Variants in SH3RF2 observed in about 807,000 individuals in gnomAD.
SH3RF2 encodes SH3 domain containing ring finger 2.
SH3RF2 carries 43 observed loss-of-function variants against 59.0 expected under a neutral mutation model. The ratio of observed to expected loss-of-function variants is 0.73; its 90% CI spans 0.57 to 0.94. The LOEUF is 0.94. Among genes scored for constraint, SH3RF2 ranks in the 40% least tolerant of loss-of-function variants. The pLI is 0.00. For synonymous variants in SH3RF2, 391 were observed against 391.5 expected (o/e 1.00, Z 0.01); for missense variants, 930 against 940.1 (o/e 0.99, Z 0.14).
intron 5 of SH3RF2, among the ~76,000 whole-genome samples, chr5:146,016,377 TGG>T (rs1761103730): frequency 1.3e-5 from 2 of 151,426 alleles, no homozygotes; most frequent in African/African-American, 2.4e-5. Flanking sequence ...GATGGATGGA[TGG>T]ATGGATGGAT....
intron 2 of SH3RF2, among the ~76,000 whole-genome samples, chr5:145,999,228 T>C (rs964337434): frequency 1.3e-5 from 2 of 152,208 alleles, no homozygotes; most frequent in African/African-American, 4.8e-5. Context: ...TCAGCCTTCA[T>C]AGAATTAAAG....
intron 2 of SH3RF2, among the ~76,000 whole-genome samples, chr5:145,986,045 A>G (rs11960726): frequency 0.081 from 11,963 of 148,362 alleles, 1,605 homozygotes; most frequent in African/African-American, 0.28. Flanking sequence ...AAATAAATAA[A>G]TGTCTGTTAT....
rs148891855 is a variant in SH3RF2 at position 146,054,110 on chromosome 5, C to A, written c.1323-1871C>A. 1.4e-3 allele frequency among the ~76,000 whole-genome samples: 217 copies of A among 152,214 alleles called. 1 individual carries two copies. The highest frequency in any genetic ancestry group is 4.9e-3 in the African/African-American group (202 of 41,526). On this transcript the variant is annotated intron_variant, in intron 7 of 9. Coordinates refer to ENST00000359120, the MANE Select transcript of SH3RF2 (RefSeq NM_152550.4). ...TAATGTCTGCAGGTCTGGGGGTGTC[C>A]TGGGGGTTAATATATGATAGCAAAG...
At chr5:145,938,855 A>G (rs1487063321) in intron 2 of SH3RF2, among the ~76,000 whole-genome samples, 1 of 152,230 alleles carries the variant, frequency 6.6e-6, no homozygotes. Context: ...GGAGGGAAGC[A>G]TCTATGTGGG....
chr5:146,053,167 A>G (rs897460511), intron 7 of SH3RF2, among the ~76,000 whole-genome samples: 1 of 152,222 alleles, frequency 6.6e-6, no homozygotes, highest in East Asian at 1.9e-4. Flanking sequence ...TGAGCCTTTC[A>G]GCTACCAGGA....
At chr5:146,041,171 A>G (rs1046535028) in intron 5 of SH3RF2, among the ~76,000 whole-genome samples, 1 of 152,116 alleles carries the variant, frequency 6.6e-6, no homozygotes, top group Non-Finnish European at 1.5e-5. Context: ...TTCTCCATCT[A>G]TAAAAATGGG....
At chr5:146,027,540 C>G (rs529929842) in intron 5 of SH3RF2, among the ~76,000 whole-genome samples, 128 of 152,300 alleles carry the variant, frequency 8.4e-4, no homozygotes, top group African/African-American at 2.9e-3. Flanking sequence ...TCCAAGCTAG[C>G]AGGGAAGACA....
intron 9 of SH3RF2, among the ~76,000 whole-genome samples, chr5:146,077,775 G>A (rs1763366112): frequency 6.6e-6 from 1 of 152,070 alleles, no homozygotes; most frequent in Non-Finnish European, 1.5e-5. Flanking sequence ...GCATATAGTT[G>A]TCATACCTCT....
exon 10 of SH3RF2, chr5:146,081,175 G>T (rs75700540): frequency 5.7e-4 from 87 of 152,224 alleles, no homozygotes; most frequent in African/African-American, 2.0e-3. Flanking sequence ...TAGCAATCCA[G>T]ATTTTTTGTA....
intron 2 of SH3RF2, among the ~76,000 whole-genome samples, chr5:145,991,548 C>G (rs1759933385): frequency 6.6e-6 from 1 of 152,060 alleles, no homozygotes; most frequent in Non-Finnish European, 1.5e-5. Context: ...ATGAGACTAC[C>G]AGAGGAGGGA....
At chr5:146,058,012 G>T in intron 8 of SH3RF2, among the ~76,000 whole-genome samples, 1 of 147,890 alleles carries the variant, frequency 6.8e-6, no homozygotes, top group Admixed American at 6.7e-5. Flanking sequence ...TTTAAAAAAC[G>T]AGAAATGTTC....
intron 9 of SH3RF2, 91 bp from the exon 10 acceptor site, chr5:146,062,335 A>G: frequency 6.8e-7 from 1 of 1,472,754 alleles, no homozygotes; most frequent in Non-Finnish European, 9.3e-7. Flanking sequence ...CAGAATGAAC[A>G]CATAAATGAG....
rs577471904 is a variant in SH3RF2 at position 146,057,625 on chromosome 5, C to T, written c.1555+1412C>T. On this transcript the variant is annotated intron_variant, in intron 8 of 9. Coordinates refer to ENST00000359120, the MANE Select transcript of SH3RF2 (RefSeq NM_152550.4). ...GATCATCTTTGGTCCATCCAGAGCA[C>T]GAACTCACTTAAGGTTGAAAGGTTC... Among the ~76,000 whole-genome samples the T allele has an allele frequency of 3.3e-5, 5 of 152,276 alleles. No homozygotes were observed. In the East Asian group the frequency reaches 5.8e-4, roughly 18 times the overall value.
chr5:146,072,406 C>T (rs572140045), intron 9 of SH3RF2, among the ~76,000 whole-genome samples: 1 of 152,324 alleles, frequency 6.6e-6, no homozygotes, highest in South Asian at 2.1e-4. Flanking sequence ...GGCATGGTGG[C>T]TCACGCCTGT....
chr5:146,064,844 GAA>G (rs1318241004), downstream of SH3RF2, among the ~76,000 whole-genome samples: 1 of 15,640 alleles, frequency 6.4e-5, no homozygotes, highest in African/African-American at 7.2e-5. Flanking sequence ...AAGAAAGAAA[GAA>G]AGAAAGAAAG....
Position 146,049,147 on chromosome 5 carries a change from G to C in SH3RF2, c.1224G>C (p.Arg408Ser). ...ELDLQKGEGVRVLGKCQDGWL... is the reference protein window; with the variant it reads ...ELDLQKGEGVSVLGKCQDGWL... ...ACCTGCAAAAGGGAGAAGGCGTCAG[G>C]GTCCTGGGGAAGTGCCAGGACGGCT... is the stretch of plus-strand genomic sequence containing the variant. The change falls in exon 7 of 10, where the codon AGG becomes AGC. Residue 408 changes from arginine to serine, a missense_variant. By Grantham distance (110) the Arg-to-Ser change is moderately radical (BLOSUM62 -1). Coordinates refer to ENST00000359120, the MANE Select transcript of SH3RF2 (RefSeq NM_152550.4). The C allele has an allele frequency of 3.1e-6, 5 of 1,614,118 alleles. No homozygotes were observed. Among genetic ancestry groups the C allele is most frequent in the Non-Finnish European group, 4.2e-6 (5 of 1,180,012 alleles).
At chr5:146,019,597 T>C (rs1761233573) in intron 5 of SH3RF2, among the ~76,000 whole-genome samples, 1 of 152,136 alleles carries the variant, frequency 6.6e-6, no homozygotes, top group Non-Finnish European at 1.5e-5. Context: ...ATTTGGGCTC[T>C]TTTTTGGTTC....
At position 146,062,704 on chromosome 5, in the gene SH3RF2, C is replaced by CTACGT; in HGVS notation, c.*7_*8insTTACG. 1.9e-6 allele frequency: 3 copies of CTACGT among 1,609,728 alleles called. No homozygotes were observed. Among genetic ancestry groups the CTACGT allele is most frequent in the Non-Finnish European group, 2.5e-6 (3 of 1,176,692 alleles). On this transcript the variant is annotated 3_prime_UTR_variant, in exon 10 of 10. Transcript: ENST00000359120. ...AGACCGTGTTTCCCAGCAAATGAAC[C>CTACGT]TACGGGTGGCTTTTCCTAGACCCCA...
chr5:146,031,619 G>T (rs1282650851), intron 5 of SH3RF2, among the ~76,000 whole-genome samples: 1 of 152,208 alleles, frequency 6.6e-6, no homozygotes, highest in Non-Finnish European at 1.5e-5. Flanking sequence ...CCCACAAAGG[G>T]TATAAGGGGC....
Sources: gnomAD v4.1 joint callset for allele counts (sites outside exome capture counted in the v4.1 genomes callset) on GRCh38, gnomAD v4.1.1 for gene constraint, MANE v1.5 for transcripts, NCBI Gene and HGNC (gene_info 2026-07-23, HGNC 2026-07-21) for gene names.